Variants in WDR7 observed in about 807,000 individuals in gnomAD.
The protein encoded by WDR7 is WD repeat domain 7.
In WDR7, 46 loss-of-function variants were observed where a neutral mutation model predicts 169.4. The ratio of observed to expected loss-of-function variants is 0.27; its 90% CI spans 0.21 to 0.35. The LOEUF (loss-of-function observed/expected upper bound fraction) is 0.35. Ranked by LOEUF, WDR7 falls within the 10% of genes least tolerant of loss-of-function variation. WDR7 has a pLI of 1.00. For synonymous variants in WDR7, 612 were observed against 666.8 expected, an observed-to-expected ratio of 0.92 and a Z score of 1.27; for missense variants, 1,534 against 1,859.3, an observed-to-expected ratio of 0.83 and a Z score of 3.22.
intron 13 of WDR7, among the ~76,000 whole-genome samples, chr18:56,723,610 C>G (rs531564806): frequency 6.6e-6 from 1 of 152,050 alleles, no homozygotes; most frequent in Non-Finnish European, 1.5e-5. Context: ...TTTCTTTTCT[C>G]TGGCTCCTTT....
chr18:56,821,702 T>C (rs927315199), intron 20 of WDR7, among the ~76,000 whole-genome samples: 1 of 151,480 alleles, frequency 6.6e-6, no homozygotes, highest in African/African-American at 2.4e-5. Context: ...CTCAAACTCT[T>C]GGGTTTGGCT....
At chr18:56,938,463 A>C in intron 23 of WDR7, 70 bp from the exon 24 acceptor site, 1 of 1,561,134 alleles carries the variant, frequency 6.4e-7, no homozygotes, top group South Asian at 1.2e-5. Context: ...AAAGTAAAAA[A>C]TAAACCATGG....
rs2048116745 is a variant in WDR7 at position 57,010,100 on chromosome 18, T to C, written c.4165-10645T>C. The stretch of plus-strand genomic sequence containing the variant: ...TGGAGATAATCAAGACCATTCATGC[T>C]GCTGAGGAACTCCATGTGGAAGCAG... On this transcript the variant is annotated intron_variant, in intron 26 of 27. Coordinates refer to ENST00000254442, the MANE Select transcript of WDR7 (RefSeq NM_015285.3). 3.0e-6 allele frequency: 3 copies of C among 985,388 alleles called. No individual in the cohort carries two copies. The Admixed American group carries it at 1.8e-4, about 61-fold the overall frequency. 61.0% of individuals were successfully genotyped at this position (985,388 alleles called of 1,614,324 possible).
intron 22 of WDR7, among the ~76,000 whole-genome samples, chr18:56,926,828 G>T (rs1040661178): frequency 6.6e-6 from 1 of 152,168 alleles, no homozygotes; most frequent in Admixed American, 6.5e-5. Flanking sequence ...ATGGAAAATG[G>T]CCTGTTACAT....
chr18:56,740,838 T>C (rs2043610045), intron 14 of WDR7, among the ~76,000 whole-genome samples: 1 of 152,184 alleles, frequency 6.6e-6, no homozygotes, highest in African/African-American at 2.4e-5. Flanking sequence ...TTAACATGAA[T>C]GGCCCTGTGT....
At chr18:56,892,747 C>G (rs1314937480) in intron 21 of WDR7, among the ~76,000 whole-genome samples, 2 of 151,950 alleles carry the variant, frequency 1.3e-5, no homozygotes, top group East Asian at 1.9e-4. Context: ...TGTTAATGGT[C>G]GTTTCTTGAC....
Position 56,781,550 on chromosome 18 carries a change from G to A in WDR7, c.3084G>A (p.Gln1028=). 1 of 1,610,094 alleles carries A rather than the reference G, an allele frequency of 6.2e-7. No individual in the cohort carries two copies. Among genetic ancestry groups the A allele is most frequent in the South Asian group, 1.1e-5 (1 of 90,512 alleles). ...DRCLEVREAA[Q]ALLLAELRRI... ...GGTCTTAGGTGAGAGAAGCCGCGCA[G>A]GCCCTGCTTCTGGCGGAACTGAGAA... The change falls in exon 19 of 28, where the codon CAG becomes CAA. Residue 1028 remains glutamine (Q), a synonymous_variant. Coordinates refer to ENST00000254442, the MANE Select transcript of WDR7 (RefSeq NM_015285.3).
chr18:56,916,874 C>G (rs572362410), intron 21 of WDR7, among the ~76,000 whole-genome samples: 24 of 152,192 alleles, frequency 1.6e-4, no homozygotes, highest in African/African-American at 5.8e-4. Context: ...CCAGCCTGGC[C>G]AACATGGTGA....
chr18:56,994,675 A>T (rs1451732473), intron 26 of WDR7, among the ~76,000 whole-genome samples: 3 of 152,164 alleles, frequency 2.0e-5, no homozygotes, highest in African/African-American at 7.2e-5. Flanking sequence ...AAGTAGCAAG[A>T]TTTTCAGCAT....
chr18:56,726,786 A>G (rs2026466368), intron 13 of WDR7, among the ~76,000 whole-genome samples: 1 of 152,118 alleles, frequency 6.6e-6, no homozygotes, highest in East Asian at 1.9e-4. Flanking sequence ...CCTTCCTGAG[A>G]ACTGTACCCA....
intron 14 of WDR7, among the ~76,000 whole-genome samples, chr18:56,754,273 G>GTGTGTGTGTGTGTGTGTATA (rs2043841588): frequency 6.8e-6 from 1 of 146,882 alleles, no homozygotes; most frequent in African/African-American, 2.5e-5. Flanking sequence ...GTGTGTGTGT[G>GTGTGTGTGTGTGTGTGTATA]TGTGTGTGTG....
chr18:56,987,223 G>A (rs1303780112), intron 26 of WDR7, among the ~76,000 whole-genome samples: 1 of 140,744 alleles, frequency 7.1e-6, no homozygotes, highest in African/African-American at 2.6e-5. Context: ...GTGTACACAA[G>A]GATTCCTCTA....
At chr18:56,662,286 T>G (rs1250776137) in intron 1 of WDR7, among the ~76,000 whole-genome samples, 1 of 152,200 alleles carries the variant, frequency 6.6e-6, no homozygotes, top group Non-Finnish European at 1.5e-5. Context: ...GCTTTTGCAT[T>G]TGAGAGCTAG....
At chr18:56,783,588 A>G (rs1405782563) in intron 19 of WDR7, among the ~76,000 whole-genome samples, 38 of 152,140 alleles carry the variant, frequency 2.5e-4, no homozygotes, top group Non-Finnish European at 4.4e-5. Context: ...CTTTATTCCA[A>G]ATGGACTCGT....
At chr18:56,901,417 G>T (rs944819041) in intron 21 of WDR7, among the ~76,000 whole-genome samples, 1 of 152,038 alleles carries the variant, frequency 6.6e-6, no homozygotes, top group African/African-American at 2.4e-5. Flanking sequence ...TGAAAACCAG[G>T]CCATGCCTCA....
chr18:56,793,493 C>T (rs1180840942), intron 19 of WDR7, among the ~76,000 whole-genome samples: 1 of 152,182 alleles, frequency 6.6e-6, no homozygotes, highest in Non-Finnish European at 1.5e-5. Context: ...TGTGTAGAAT[C>T]AGTAAATCAA....
chr18:56,805,277 C>G (rs2044752791), intron 19 of WDR7, among the ~76,000 whole-genome samples: 1 of 151,948 alleles, frequency 6.6e-6, no homozygotes, highest in Non-Finnish European at 1.5e-5. Context: ...GTAATACTTC[C>G]TAACATGATG....
chr18:56,830,601 C>T (rs185519705), intron 20 of WDR7, among the ~76,000 whole-genome samples: 5 of 152,320 alleles, frequency 3.3e-5, no homozygotes, highest in Admixed American at 6.5e-5. Context: ...TATACATCTT[C>T]GATACTTGTG....
chr18:56,802,390 C>T (rs1031306742), intron 19 of WDR7, among the ~76,000 whole-genome samples: 9 of 152,024 alleles, frequency 5.9e-5, no homozygotes, highest in African/African-American at 2.2e-4. Flanking sequence ...GAGAGTCTCC[C>T]TCTGTTGCCC....
Sources: allele counts gnomAD v4.1 joint callset (sites outside exome capture counted in the v4.1 genomes callset), GRCh38; gene constraint gnomAD v4.1.1; transcripts MANE v1.5; gene names NCBI Gene and HGNC (gene_info 2026-07-23, HGNC 2026-07-21).